Variants in HERC1 observed in about 807,000 individuals in gnomAD.
The protein encoded by HERC1 is probable E3 ubiquitin-protein ligase HERC1.
A neutral mutation model predicts 554.3 loss-of-function variants in HERC1; 160 were observed. The ratio of observed to expected loss-of-function variants is 0.29; its 90% CI spans 0.25 to 0.33. The LOEUF is 0.33. HERC1 is among the 10% of genes least tolerant of loss of function. The probability of loss-of-function intolerance (pLI) is 1.00; values close to 1 mark genes in which losing one functional copy is unlikely to be tolerated. For synonymous variants in HERC1, 2,175 were observed against 2,131.7 expected, an observed-to-expected ratio of 1.02 and a Z score of -0.56; for missense variants, 4,919 against 5,918.5, an observed-to-expected ratio of 0.83 and a Z score of 5.54.
chr15:63,823,795 T>C (rs889428569), intron 1 of HERC1, among the ~76,000 whole-genome samples: 2 of 152,178 alleles, frequency 1.3e-5, no homozygotes, highest in African/African-American at 2.4e-5. Flanking sequence ...ATTATTCCAT[T>C]ACTACTATTG....
Position 63,669,607 on chromosome 15 carries a change from CAGA to C in HERC1, c.8134_8136del (p.Ser2712del), listed in dbSNP as rs1240310634. The C allele has an allele frequency of 3.7e-6, 6 of 1,613,492 alleles. No homozygotes were observed. The highest frequency in any genetic ancestry group is 1.7e-4 in the Middle Eastern group (1 of 6,054). On this transcript the variant is annotated inframe_deletion, in exon 40 of 78. Coordinates refer to ENST00000443617, the MANE Select transcript of HERC1 (RefSeq NM_003922.4). ...AAACTTTGCCTCCTTCCTACTTCAT[CAGA>C]AGGAGAGGTTGGTAACGAAGATATT...
chr15:63,695,091 A>G lies in HERC1; in HGVS notation c.5122-197T>C, dbSNP rs368242696. Among the ~76,000 whole-genome samples the G allele has an allele frequency of 9.2e-5, 14 of 152,206 alleles. No homozygotes were observed. In the East Asian group the frequency reaches 2.1e-3, roughly 23 times the overall value. On this transcript the variant is annotated intron_variant, in intron 27 of 77. Transcript: ENST00000443617. Reference sequence around the variant, plus strand: ...TGCTGTATCACCCATGCTGGGGTGCAGTGGTGCAATCCTGGCTCACTGCAA... The same window carrying G: ...TGCTGTATCACCCATGCTGGGGTGCGGTGGTGCAATCCTGGCTCACTGCAA...
At chr15:63,813,468 C>T (rs564090680) in intron 1 of HERC1, among the ~76,000 whole-genome samples, 19 of 151,664 alleles carry the variant, frequency 1.3e-4, no homozygotes, top group Middle Eastern at 3.4e-3. Flanking sequence ...TAGGATAGTG[C>T]GAAAGGGTTT....
chr15:63,708,414 C>T (rs1259953902), intron 24 of HERC1, among the ~76,000 whole-genome samples: 2 of 152,220 alleles, frequency 1.3e-5, no homozygotes, highest in African/African-American at 4.8e-5. Flanking sequence ...TTTCCTCTCT[C>T]AGCCTTTTTC....
chr15:63,677,718 AT>A lies in HERC1; in HGVS notation c.7070+126del, dbSNP rs892545695. The A allele has an allele frequency of 2.1e-5, 31 of 1,445,780 alleles. No individual in the cohort carries two copies. In the African/African-American group the frequency reaches 4.2e-4, roughly 20 times the overall value. The allele number at this position is 1,445,780 out of a possible 1,614,324, so 89.6% of individuals were successfully genotyped here. A position where few individuals can be genotyped will look rare whatever the true frequency, so the allele number is the denominator to read the frequency against. On this transcript the variant is annotated intron_variant, in intron 37 of 77. Transcript: ENST00000443617. This position sits in a 1 kb window ranked among gnomAD's most constrained non-coding sequence, Gnocchi z 4.4. Reference sequence around the variant, plus strand: ...AATTACAGTAGAAACATCTAGCTGCATGAGAAATATTTTTAAAAGTTAACTG... The same window carrying A: ...AATTACAGTAGAAACATCTAGCTGCAGAGAAATATTTTTAAAAGTTAACTG...
intron 8 of HERC1, chr15:63,752,594 T>C (rs2075288048): frequency 6.2e-6 from 1 of 161,470 alleles, no homozygotes; most frequent in South Asian, 1.8e-4. Flanking sequence ...CCCTCCTTTT[T>C]GATCACCCTC....
intron 40 of HERC1, 126 bp downstream of exon 40, chr15:63,669,412 G>A: frequency 3.5e-6 from 3 of 849,570 alleles, no homozygotes; most frequent in South Asian, 1.6e-5. Context: ...GTTTAATGGG[G>A]CAGTTCCCCT....
At chr15:63,788,668 G>C (rs1392480930) in intron 1 of HERC1, among the ~76,000 whole-genome samples, 1 of 152,120 alleles carries the variant, frequency 6.6e-6, no homozygotes, top group African/African-American at 2.4e-5. Flanking sequence ...TGCAATCCCA[G>C]CACTTTGGGA....
At chr15:63,833,391 G>A (rs368208689) in intron 1 of HERC1, among the ~76,000 whole-genome samples, 1 of 152,294 alleles carries the variant, frequency 6.6e-6, no homozygotes, top group South Asian at 2.1e-4. Flanking sequence ...CCCGGACCCT[G>A]AGAGGGAGTC....
chr15:63,610,074 A>T (rs2152697528), intron 77 of HERC1, among the ~76,000 whole-genome samples: 1 of 152,266 alleles, frequency 6.6e-6, no homozygotes, highest in East Asian at 1.9e-4. Flanking sequence ...TTTTCTAAAC[A>T]ATTTGTAATA....
intron 50 of HERC1, 118 bp downstream of exon 50, chr15:63,655,624 T>C: frequency 1.4e-6 from 1 of 698,284 alleles, no homozygotes; most frequent in East Asian, 2.7e-5. Context: ...ACTTCTTTTA[T>C]GTTCTAAACT....
intron 8 of HERC1, among the ~76,000 whole-genome samples, chr15:63,751,743 T>C (rs1449514486): frequency 6.6e-6 from 1 of 152,184 alleles, no homozygotes; most frequent in African/African-American, 2.4e-5. Flanking sequence ...GCATATATAT[T>C]TGATTTCATA....
chr15:63,675,038 G>A lies in HERC1; in HGVS notation c.7150C>T (p.Arg2384Ter). 6.2e-7 allele frequency: 1 copy of A among 1,613,986 alleles called. No homozygotes were observed. The highest frequency in any genetic ancestry group is 8.5e-7 in the Non-Finnish European group (1 of 1,179,878). The change falls in exon 38 of 78, where the codon CGA (arginine) becomes TGA (stop). Residue 2384 changes from arginine to a stop codon, truncating the protein, a stop_gained. Coordinates refer to ENST00000443617, the MANE Select transcript of HERC1 (RefSeq NM_003922.4). LOFTEE classifies it high-confidence loss of function. ...ACAGAAGCCGTCAGGCCTCGGAATC[G>A]CGCCACATCAAACGGCAATGGTTCA... Reference protein sequence around the residue: ...PCEPLPFDVARFRGLTASVLL... With the variant: ...PCEPLPFDVA
rs781251378 is a variant in HERC1 at position 63,692,585 on chromosome 15, T to C, written c.5675-19A>G. 1.5e-5 allele frequency: 23 copies of C among 1,579,984 alleles called. No homozygotes were observed. Among genetic ancestry groups the C allele is most frequent in the Non-Finnish European group, 2.0e-5 (23 of 1,167,138 alleles). Reference sequence around the variant, plus strand: ...AGAGCAGCTACAGTGAAGAGACAAGTTTACGTTACAACCAAGAGCCAACAA... The same window carrying C: ...AGAGCAGCTACAGTGAAGAGACAAGCTTACGTTACAACCAAGAGCCAACAA... On this transcript the variant is annotated intron_variant, in intron 30 of 77. Transcript: ENST00000443617. The surrounding 1 kb of genome is among the most constrained non-coding windows in gnomAD (Gnocchi z 4.7).
intron 1 of HERC1, among the ~76,000 whole-genome samples, chr15:63,803,168 CAA>C (rs1291977061): frequency 6.6e-6 from 1 of 152,004 alleles, no homozygotes; most frequent in African/African-American, 2.4e-5. Flanking sequence ...CCCTGGGCAA[CAA>C]AGTGAGCAAC....
chr15:63,704,171 G>A (rs1393158798), intron 25 of HERC1, among the ~76,000 whole-genome samples: 3 of 152,240 alleles, frequency 2.0e-5, no homozygotes, highest in African/African-American at 7.2e-5. Flanking sequence ...ACCCTACTGT[G>A]TCAAAGGGCA....
chr15:63,830,924 A>G (rs2078130940), intron 1 of HERC1, among the ~76,000 whole-genome samples: 2 of 152,166 alleles, frequency 1.3e-5, no homozygotes, highest in South Asian at 4.1e-4. Flanking sequence ...GCTCTTTTTC[A>G]CTTTTTGTAG....
intron 12 of HERC1, among the ~76,000 whole-genome samples, chr15:63,746,499 A>C (rs1353536466): frequency 1.3e-5 from 2 of 152,164 alleles, no homozygotes; most frequent in East Asian, 1.9e-4. Context: ...CTTCCTCCTT[A>C]AGCTGACCTT....
chr15:63,662,443 G>A (rs1409594537), intron 44 of HERC1, among the ~76,000 whole-genome samples: 2 of 152,120 alleles, frequency 1.3e-5, no homozygotes, highest in African/African-American at 2.4e-5. Flanking sequence ...CTTTCCTGTA[G>A]GACTTACATC....
Sources: gnomAD v4.1 joint callset for allele counts (sites outside exome capture counted in the v4.1 genomes callset) on GRCh38, gnomAD v4.1.1 for gene constraint, Gnocchi (gnomAD v3.1) non-coding constraint, MANE v1.5 for transcripts, NCBI Gene and HGNC (gene_info 2026-07-23, HGNC 2026-07-21) for gene names.